MEMO1: variants seen among roughly 807,000 people sequenced by gnomAD.
MEMO1 encodes the protein protein MEMO1.
MEMO1 carries 6 observed loss-of-function variants against 45.2 expected under a neutral mutation model. That is an observed-to-expected ratio of 0.13 (90% CI 0.07 to 0.26). The LOEUF (loss-of-function observed/expected upper bound fraction) is 0.26, where lower values mean the gene tolerates loss of function less well. MEMO1 is among the 10% of genes least tolerant of loss of function. MEMO1 has a pLI of 1.00. For synonymous variants in MEMO1, 78 were observed against 124.3 expected, an observed-to-expected ratio of 0.63 and a Z score of 2.48; for missense variants, 184 against 370.5, an observed-to-expected ratio of 0.50 and a Z score of 4.13.
chr2:31,894,500 A>G (rs1442588067), intron 6 of MEMO1, among the ~76,000 whole-genome samples: 1 of 152,218 alleles, frequency 6.6e-6, no homozygotes, highest in Admixed American at 6.5e-5. Flanking sequence ...TGGCACAGCC[A>G]TAGAGAGACT....
chr2:31,965,865 C>T (rs1472308049), intron 2 of MEMO1, among the ~76,000 whole-genome samples: 2 of 152,006 alleles, frequency 1.3e-5, no homozygotes, highest in African/African-American at 2.4e-5. Context: ...TAATGCATGC[C>T]GGGCTTAATA....
At chr2:31,984,170 A>T (rs1006042707) in intron 2 of MEMO1, among the ~76,000 whole-genome samples, 1 of 152,222 alleles carries the variant, frequency 6.6e-6, no homozygotes, top group African/African-American at 2.4e-5. Context: ...GAAGATAGCA[A>T]CTTTACAACA....
At chr2:31,938,597 G>A (rs964723540) in intron 3 of MEMO1, among the ~76,000 whole-genome samples, 2 of 151,856 alleles carry the variant, frequency 1.3e-5, no homozygotes, top group Non-Finnish European at 2.9e-5. Context: ...GCAGTGAGCT[G>A]AGATCGCGCC....
intron 2 of MEMO1, among the ~76,000 whole-genome samples, chr2:31,972,264 C>T (rs13022719): frequency 0.096 from 14,551 of 152,192 alleles, 762 homozygotes; most frequent in Middle Eastern, 0.19. Context: ...CATTCGTTTT[C>T]AATTCCCCAC....
chr2:31,940,095 A>C (rs1665428476), intron 3 of MEMO1, among the ~76,000 whole-genome samples: 2 of 151,908 alleles, frequency 1.3e-5, no homozygotes, highest in Middle Eastern at 3.4e-3. Context: ...CTCACTCTTG[A>C]TTTTCCTCCT....
intron 2 of MEMO1, among the ~76,000 whole-genome samples, chr2:31,967,842 A>AT (rs775089142): frequency 4.6e-5 from 7 of 152,182 alleles, no homozygotes; most frequent in African/African-American, 9.7e-5. Context: ...ACAGACATGC[A>AT]TTTTTTAAAA....
chr2:31,882,056 A>G (rs935517607), intron 8 of MEMO1, among the ~76,000 whole-genome samples: 2 of 151,924 alleles, frequency 1.3e-5, no homozygotes, highest in African/African-American at 4.8e-5. Context: ...AGGTGGGAGA[A>G]TCGCTTGAGC....
chr2:31,905,767 T>C (rs2148073714), intron 6 of MEMO1, among the ~76,000 whole-genome samples: 1 of 152,342 alleles, frequency 6.6e-6, no homozygotes, highest in East Asian at 1.9e-4. Context: ...GGAACATTTC[T>C]ATCTGCATAG....
intron 2 of MEMO1, chr2:31,963,268 T>C (rs1365934046): frequency 6.5e-7 from 1 of 1,534,502 alleles, no homozygotes. Flanking sequence ...AATCTCTTTC[T>C]ATATTGAAGA....
At chr2:32,005,118 T>C (rs1673895197) in intron 2 of MEMO1, among the ~76,000 whole-genome samples, 1 of 151,916 alleles carries the variant, frequency 6.6e-6, no homozygotes. Context: ...ATGAACAAAG[T>C]ACAATACAAC....
At chr2:31,937,989 T>C (rs1401045263) in intron 3 of MEMO1, among the ~76,000 whole-genome samples, 1 of 152,334 alleles carries the variant, frequency 6.6e-6, no homozygotes, top group Non-Finnish European at 1.5e-5. Context: ...TTTTAGCTCA[T>C]GAGATCATTT....
intron 6 of MEMO1, among the ~76,000 whole-genome samples, chr2:31,906,874 G>A (rs898221372): frequency 2.6e-5 from 4 of 152,146 alleles, no homozygotes; most frequent in Non-Finnish European, 5.9e-5. Context: ...TAGACAAGGT[G>A]TAAGATAATA....
chr2:31,901,589 A>C (rs372664016), intron 6 of MEMO1, among the ~76,000 whole-genome samples: 3 of 151,890 alleles, frequency 2.0e-5, no homozygotes, highest in Admixed American at 6.6e-5. Context: ...TCAAATGAAC[A>C]CCAGGTTTCT....
chr2:31,970,933 G>A (rs970339912), intron 2 of MEMO1, among the ~76,000 whole-genome samples: 1 of 152,188 alleles, frequency 6.6e-6, no homozygotes, highest in Non-Finnish European at 1.5e-5. Context: ...GAACCCAGAA[G>A]GTGGAGGTTG....
At chr2:31,965,288 G>A (rs1185203932) in intron 2 of MEMO1, among the ~76,000 whole-genome samples, 1 of 151,490 alleles carries the variant, frequency 6.6e-6, no homozygotes, top group Admixed American at 6.6e-5. Context: ...AGAAGGGAAG[G>A]GAAGAAGGGA....
intron 8 of MEMO1, among the ~76,000 whole-genome samples, chr2:31,876,899 C>T (rs1674651151): frequency 6.6e-6 from 1 of 152,194 alleles, no homozygotes; most frequent in African/African-American, 2.4e-5. Flanking sequence ...ACCCTACCCA[C>T]TGTCTAAATT....
chr2:31,935,249 T>C (rs1341191554), intron 3 of MEMO1, among the ~76,000 whole-genome samples: 1 of 152,122 alleles, frequency 6.6e-6, no homozygotes, highest in African/African-American at 2.4e-5. Context: ...CTATAAGAGA[T>C]CTTTACATGT....
intron 2 of MEMO1, among the ~76,000 whole-genome samples, chr2:32,008,875 T>C (rs1674436496): frequency 6.6e-6 from 1 of 152,208 alleles, no homozygotes; most frequent in Non-Finnish European, 1.5e-5. Context: ...TGAGCTAGTT[T>C]AGCAACCTCA....
At chr2:31,996,203 A>C (rs1558564802) in intron 2 of MEMO1, among the ~76,000 whole-genome samples, 3 of 151,506 alleles carry the variant, frequency 2.0e-5, no homozygotes, top group African/African-American at 7.3e-5. Flanking sequence ...AGAGAGACAG[A>C]GGGGGAGAGA....
Sources: allele counts gnomAD v4.1 joint callset (sites outside exome capture counted in the v4.1 genomes callset), GRCh38; gene constraint gnomAD v4.1.1; transcripts MANE v1.5; gene names NCBI Gene and HGNC (gene_info 2026-07-23, HGNC 2026-07-21).